The following KDM3A variants were observed in gnomAD, a reference collection of about 807,000 sequenced individuals.
KDM3A encodes lysine demethylase 3A.
KDM3A carries 60 observed loss-of-function variants against 158.0 expected under a neutral mutation model. The ratio of observed to expected loss-of-function variants is 0.38; its 90% confidence interval spans 0.31 to 0.47. KDM3A has a LOEUF of 0.47. KDM3A is among the 20% of genes least tolerant of loss of function. KDM3A has a pLI of 0.99. For synonymous variants in KDM3A, 608 were observed against 549.3 expected (o/e 1.11, Z -1.49); for missense variants, 1,319 against 1,574.3 (o/e 0.84, Z 2.74).
intron 16 of KDM3A, among the ~76,000 whole-genome samples, chr2:86,481,359 T>G (rs761241232): frequency 3.9e-5 from 6 of 152,164 alleles, no homozygotes; most frequent in Non-Finnish European, 7.4e-5. Flanking sequence ...TTCAAGCCAT[T>G]GTCCTGCCTC....
chr2:86,478,921 T>A, intron 15 of KDM3A, 186 bp downstream of exon 15: 1 of 563,030 alleles, frequency 1.8e-6, no homozygotes, highest in Non-Finnish European at 3.1e-6. Context: ...ACTTTTCACA[T>A]TACTTTCGTA....
rs1435726758 is a variant in KDM3A at position 86,491,122 on chromosome 2, A to AT, written c.3751-17dup. ...GAACTTTTGGGTTTGTTACTGATAT[A>AT]TTACTTGGTGTTTTTCAGGTTCATA... On this transcript the variant is annotated intron_variant, in intron 24 of 25. Coordinates refer to ENST00000312912, the MANE Select transcript of KDM3A (RefSeq NM_018433.6). 1 of 1,613,728 alleles carries AT rather than the reference A, an allele frequency of 6.2e-7. No individual in the cohort carries two copies. The highest frequency in any genetic ancestry group is 8.5e-7 in the Non-Finnish European group (1 of 1,179,748).
intron 16 of KDM3A, among the ~76,000 whole-genome samples, chr2:86,481,193 A>C (rs1452182647): frequency 6.6e-6 from 1 of 152,086 alleles, no homozygotes; most frequent in Non-Finnish European, 1.5e-5. Context: ...AAGAGTTTAA[A>C]CCAAAAAACA....
At chr2:86,446,267 C>A (rs1480735226) in intron 2 of KDM3A, among the ~76,000 whole-genome samples, 1 of 152,178 alleles carries the variant, frequency 6.6e-6, no homozygotes, top group African/African-American at 2.4e-5. Context: ...TTGACTCTGG[C>A]CTTTGAAGCC....
At chr2:86,471,287 A>ATGTATATATGTGTGTATG (rs968113440) in intron 11 of KDM3A, among the ~76,000 whole-genome samples, 1 of 133,558 alleles carries the variant, frequency 7.5e-6, no homozygotes, top group Admixed American at 7.1e-5. Flanking sequence ...GTGTGTATAT[A>ATGTATATATGTGTGTATG]TGTATATATG....
rs1683006573 is a variant in KDM3A, at chr2:86,447,511, C to A, written c.187-2296C>A. On this transcript the variant is annotated intron_variant, in intron 2 of 25. Coordinates refer to ENST00000312912, the MANE Select transcript of KDM3A (RefSeq NM_018433.6). Reference sequence around the variant, plus strand: ...GATAATTGTGTTGAAGATCCTCTTTCCCCTGCTCCTAACTTAATAAGTGAT... The same window carrying A: ...GATAATTGTGTTGAAGATCCTCTTTACCCTGCTCCTAACTTAATAAGTGAT... Among the ~76,000 whole-genome samples the A allele has an allele frequency of 4.0e-5, 6 of 149,574 alleles. No individual in the cohort carries two copies. The South Asian group carries it at 1.3e-3, about 31-fold the overall frequency.
At chr2:86,453,179 T>G (rs1197206068) in intron 4 of KDM3A, among the ~76,000 whole-genome samples, 2 of 152,176 alleles carry the variant, frequency 1.3e-5, no homozygotes, top group African/African-American at 4.8e-5. Context: ...GAAGAGGGGC[T>G]GTGGGGCTGT....
At chr2:86,475,074 G>GTT in intron 12 of KDM3A, 84 bp downstream of exon 12, 1 of 1,092,010 alleles carries the variant, frequency 9.2e-7, no homozygotes, top group South Asian at 1.5e-5. Context: ...AATTGCTTGG[G>GTT]TTTTTTTTCA....
intron 2 of KDM3A, among the ~76,000 whole-genome samples, chr2:86,446,183 C>T (rs1682951227): frequency 6.6e-6 from 1 of 152,118 alleles, no homozygotes; most frequent in Non-Finnish European, 1.5e-5. Context: ...TTCATAGGTA[C>T]TAATAAGGTA....
intron 2 of KDM3A, among the ~76,000 whole-genome samples, chr2:86,448,714 A>T (rs1028675140): frequency 1.3e-5 from 2 of 152,210 alleles, no homozygotes; most frequent in Non-Finnish European, 2.9e-5. Flanking sequence ...CTGTAAAATG[A>T]TGAACAGATT....
intron 2 of KDM3A, among the ~76,000 whole-genome samples, chr2:86,446,326 A>G (rs572981537): frequency 6.6e-6 from 1 of 152,334 alleles, no homozygotes; most frequent in East Asian, 1.9e-4. Flanking sequence ...CATGGGTGAA[A>G]TAACACAATT....
chr2:86,483,892 G>A, intron 18 of KDM3A, 95 bp from the exon 19 acceptor site: 2 of 1,018,930 alleles, frequency 2.0e-6, no homozygotes, highest in Non-Finnish European at 2.9e-6. Context: ...CAGCTCCATG[G>A]AAATATACCA....
At chr2:86,490,749 T>G in intron 23 of KDM3A, 132 bp from the exon 24 acceptor site, 1 of 612,968 alleles carries the variant, frequency 1.6e-6, no homozygotes, top group Non-Finnish European at 2.8e-6. Flanking sequence ...ACTAGTCGTC[T>G]TCTGCCAATG....
chr2:86,439,455 C>T (rs554760485), upstream of KDM3A, among the ~76,000 whole-genome samples: 2 of 152,084 alleles, frequency 1.3e-5, no homozygotes, highest in Admixed American at 6.5e-5. Context: ...ATTTGTGAAA[C>T]GGTTTTATAA....
At chr2:86,483,966 G>A in intron 18 of KDM3A, 21 bp from the exon 19 acceptor site, 1 of 1,600,054 alleles carries the variant, frequency 6.2e-7, no homozygotes, top group African/African-American at 1.3e-5. Context: ...TCAGACTAAA[G>A]TTTTCCTTCT....
intron 17 of KDM3A, 98 bp downstream of exon 17, chr2:86,482,200 C>A: frequency 7.4e-7 from 1 of 1,348,162 alleles, no homozygotes; most frequent in Non-Finnish European, 1.1e-6. Context: ...GAGACTGAAT[C>A]ACATACTTAC....
chr2:86,488,815 G>A (rs1674312869), intron 21 of KDM3A: 1 of 156,226 alleles, frequency 6.4e-6, no homozygotes, highest in African/African-American at 2.4e-5. Flanking sequence ...AACACTGTGG[G>A]GGACCTGTCT....
chr2:86,464,071 C>T lies in KDM3A; in HGVS notation c.862C>T (p.Pro288Ser). The T allele has an allele frequency of 1.2e-6, 2 of 1,602,764 alleles. No homozygotes were observed. The highest frequency in any genetic ancestry group is 1.7e-6 in the Non-Finnish European group (2 of 1,173,156). Residue 288 changes from proline to serine, a missense_variant, in exon 9 of 26, where the codon CCT (proline) becomes TCT (serine). Transcript: ENST00000312912. ...CTTCTAGGCCTCTCCCAGTATGTGT[C>T]CTGTGCAGTCTGTACCTACAACAGT... ...SCSEASPSMC[P>S]VQSVPTTVFK...
chr2:86,490,320 GT>G (rs1393407207), intron 23 of KDM3A: 2 of 152,794 alleles, frequency 1.3e-5, no homozygotes, highest in African/African-American at 4.8e-5. Flanking sequence ...TTCGTAACCT[GT>G]TAGCTGGCCC....
Sources: allele counts gnomAD v4.1 joint callset (sites outside exome capture counted in the v4.1 genomes callset), GRCh38; gene constraint gnomAD v4.1.1; transcripts MANE v1.5; gene names NCBI Gene and HGNC (gene_info 2026-07-23, HGNC 2026-07-21).